CLPB: variants seen among roughly 807,000 people sequenced by gnomAD.
CLPB encodes the protein ClpB family mitochondrial disaggregase.
A neutral mutation model predicts 78.4 loss-of-function variants in CLPB; 40 were observed. That is an observed-to-expected ratio of 0.51 (90% CI 0.40 to 0.66). The LOEUF is 0.66. Among genes scored for constraint, CLPB ranks in the 30% least tolerant of loss-of-function variants. The pLI is 0.00. For missense variants in CLPB, 780 were observed against 886.9 expected, an observed-to-expected ratio of 0.88 and a Z score of 1.53; for synonymous variants, 333 against 348.0, an observed-to-expected ratio of 0.96 and a Z score of 0.48.
At chr11:72,379,192 A>G (rs1267903828) in intron 4 of CLPB, among the ~76,000 whole-genome samples, 1 of 152,214 alleles carries the variant, frequency 6.6e-6, no homozygotes, top group Non-Finnish European at 1.5e-5. Flanking sequence ...AAGGCTGAGC[A>G]CATTGCTCCC....
chr11:72,358,379 G>A (rs1013916940), intron 5 of CLPB, among the ~76,000 whole-genome samples: 14 of 152,162 alleles, frequency 9.2e-5, no homozygotes, highest in African/African-American at 2.9e-4. Context: ...GTGTAATGAC[G>A]GAAAAGAATA....
intron 7 of CLPB, among the ~76,000 whole-genome samples, chr11:72,309,072 G>C (rs1187486464): frequency 6.6e-6 from 1 of 152,212 alleles, no homozygotes; most frequent in East Asian, 1.9e-4. Flanking sequence ...ACTCTTTCCT[G>C]TCTGGGGAAG....
intron 6 of CLPB, among the ~76,000 whole-genome samples, chr11:72,326,150 C>T (rs982327595): frequency 6.6e-6 from 1 of 152,162 alleles, no homozygotes; most frequent in Admixed American, 6.5e-5. Flanking sequence ...GCACCTGGCA[C>T]ACTACCTAGA....
At chr11:72,383,293 G>C (rs1347717542) in intron 3 of CLPB, among the ~76,000 whole-genome samples, 1 of 151,914 alleles carries the variant, frequency 6.6e-6, no homozygotes, top group Non-Finnish European at 1.5e-5. Flanking sequence ...GGGAGGCTGA[G>C]GGGGGCGGAT....
At chr11:72,418,458 C>A (rs1225326445) in intron 2 of CLPB, among the ~76,000 whole-genome samples, 1 of 152,206 alleles carries the variant, frequency 6.6e-6, no homozygotes, top group South Asian at 2.1e-4. Context: ...AGATGTTAGA[C>A]AACTTTTCCA....
At chr11:72,367,165 T>C (rs781111808) in intron 4 of CLPB, among the ~76,000 whole-genome samples, 1 of 152,086 alleles carries the variant, frequency 6.6e-6, no homozygotes, top group Non-Finnish European at 1.5e-5. Context: ...TCTCACTTAC[T>C]ATTATTATTA....
intron 2 of CLPB, among the ~76,000 whole-genome samples, chr11:72,417,386 C>A (rs1856054941): frequency 6.6e-6 from 1 of 152,096 alleles, no homozygotes; most frequent in South Asian, 2.1e-4. Context: ...TCAGAACAGG[C>A]AAATCCAGAA....
chr11:72,365,346 C>A (rs1295720816), intron 4 of CLPB, among the ~76,000 whole-genome samples: 2 of 152,122 alleles, frequency 1.3e-5, no homozygotes, highest in Non-Finnish European at 2.9e-5. Flanking sequence ...GATTCAATTT[C>A]TATTTAATGT....
At position 72,434,106 on chromosome 11, in the gene CLPB, C is replaced by G. The variant is rs759253376; in HGVS notation, c.369G>C (p.Val123=). Reference sequence around the variant, plus strand: ...ACGGACTCTTGCTGTAGCAATGAACCACCAGCGCTGCGGCCAGGGCGCACA... The same window carrying G: ...ACGGACTCTTGCTGTAGCAATGAACGACCAGCGCTGCGGCCAGGGCGCACA... The part of the protein sequence containing the change: ...LGMCALAAAL[V]VHCYSKSPSN... The change falls in exon 1 of 16, where the codon GTG becomes GTC. Residue 123 remains valine, a synonymous_variant. Transcript: ENST00000538039. 2 of 1,611,660 alleles carry G rather than the reference C, an allele frequency of 1.2e-6. No homozygotes were observed. Among genetic ancestry groups the G allele is most frequent in the Non-Finnish European group, 1.7e-6 (2 of 1,180,018 alleles).
At chr11:72,328,369 T>C (rs1010530113) in intron 6 of CLPB, among the ~76,000 whole-genome samples, 7 of 152,220 alleles carry the variant, frequency 4.6e-5, no homozygotes, top group Middle Eastern at 3.2e-3. Context: ...GTTGTTACAA[T>C]AGCATAATCT....
chr11:72,431,068 A>T (rs1856531588), intron 1 of CLPB, among the ~76,000 whole-genome samples: 1 of 152,238 alleles, frequency 6.6e-6, no homozygotes, highest in Non-Finnish European at 1.5e-5. Context: ...CAGGGAAGGG[A>T]GACCCAAAGC....
At chr11:72,369,459 C>T (rs1404492101) in intron 4 of CLPB, among the ~76,000 whole-genome samples, 1 of 151,572 alleles carries the variant, frequency 6.6e-6, no homozygotes, top group African/African-American at 2.4e-5. Flanking sequence ...TCTTTGAGCT[C>T]CAGGGATCCT....
At position 72,291,717 on chromosome 11, in the gene CLPB, G is replaced by A. The variant is rs561093925; in HGVS notation, c.*1650C>T. 152 of 152,080 alleles carry A rather than the reference G, an allele frequency of 1.0e-3. No homozygotes were observed. The highest frequency in any genetic ancestry group is 3.6e-3 in the African/African-American group (148 of 41,506). 9.4% of individuals were successfully genotyped at this position (152,080 alleles called of 1,614,324 possible). On this transcript the variant is annotated 3_prime_UTR_variant, in exon 16 of 16. Transcript: ENST00000538039. ...CTACTATTTCTGCAACTTTCTCTAA[G>A]TCTAAAATTATTTCAAAACAAAAAG...
In CLPB at chr11:72,317,147, T is replaced by C. The variant is rs951164251; in HGVS notation, c.947A>G (p.His316Arg). 7 of 1,612,384 alleles carry C rather than the reference T, an allele frequency of 4.3e-6. No homozygotes were observed. Among genetic ancestry groups the C allele is most frequent in the Non-Finnish European group, 5.9e-6 (7 of 1,179,614 alleles). Residue 316 changes from histidine (H) to arginine (R), a missense_variant, in exon 7 of 16, where the codon CAC becomes CGC. Around this residue, in one of 3 missense-constraint regions of CLPB, gnomAD observed 417 missense variants for 414.7 expected, o/e 1.01. Transcript: ENST00000538039. Reference protein sequence around the residue: ...RFPLEQRLKEHIIGQESAIAT... With the variant: ...RFPLEQRLKERIIGQESAIAT... ...GATGGCGCTCTCCTGGCCAATGATG[T>C]GCTCCTTTAGTCGCTGCTCCAGGGG...
chr11:72,305,309 A>G (rs1590769045), intron 9 of CLPB, among the ~76,000 whole-genome samples: 3 of 152,356 alleles, frequency 2.0e-5, no homozygotes, highest in Admixed American at 2.0e-4. Flanking sequence ...AGTGGGTCTA[A>G]TTTAGCATCC....
intron 3 of CLPB, among the ~76,000 whole-genome samples, chr11:72,393,403 C>G (rs2135053260): frequency 6.6e-6 from 1 of 152,334 alleles, no homozygotes; most frequent in South Asian, 2.1e-4. Flanking sequence ...CAGATACCTA[C>G]TTATTCACTA....
chr11:72,368,573 T>C (rs546896141), intron 4 of CLPB, among the ~76,000 whole-genome samples: 6 of 152,340 alleles, frequency 3.9e-5, no homozygotes, highest in African/African-American at 1.4e-4. Flanking sequence ...TGATCTCCCT[T>C]TCCTCTATGC....
At chr11:72,304,554 T>C (rs1949713649) in intron 9 of CLPB, among the ~76,000 whole-genome samples, 1 of 152,198 alleles carries the variant, frequency 6.6e-6, no homozygotes, top group Non-Finnish European at 1.5e-5. Context: ...TTATTAGCTC[T>C]AGTAAGGAAA....
At chr11:72,350,347 C>T (rs1160912037) in intron 5 of CLPB, among the ~76,000 whole-genome samples, 1 of 152,176 alleles carries the variant, frequency 6.6e-6, no homozygotes, top group Non-Finnish European at 1.5e-5. Flanking sequence ...GACAGGCTAA[C>T]ATCCACATTT....
Sources: gnomAD v4.1 joint callset for allele counts (sites outside exome capture counted in the v4.1 genomes callset) on GRCh38, gnomAD v4.1.1 for gene constraint, gnomAD v4.1.1 regional missense constraint, MANE v1.5 for transcripts, NCBI Gene and HGNC (gene_info 2026-07-23, HGNC 2026-07-21) for gene names.